ZNF600: variants seen among roughly 807,000 people sequenced by gnomAD.
ZNF600 encodes zinc finger protein 600.
Under a neutral mutation model 7.3 loss-of-function variants are expected in ZNF600, and 4 were observed. The observed-to-expected ratio is 0.55, with a 90% CI of 0.27 to 1.25. The LOEUF (loss-of-function observed/expected upper bound fraction) is 1.25. ZNF600 is among the 50% of genes most tolerant of loss of function. The pLI, the probability that ZNF600 is intolerant of heterozygous loss-of-function variation, is 0.12. For synonymous variants in ZNF600, 290 were observed against 308.9 expected (o/e 0.94, Z 0.64); for missense variants, 911 against 922.1 (o/e 0.99, Z 0.16).
At chr19:52,800,337 G>C in the ZNF600 span, 2 of 1,613,662 alleles carry the variant, frequency 1.2e-6, no homozygotes, top group South Asian at 2.2e-5. Context: ...ACTCCGGAAA[G>C]CCTTGTCACA....
intron 1 of ZNF600, among the ~76,000 whole-genome samples, chr19:52,784,497 C>G (rs2062748775): frequency 6.6e-6 from 1 of 152,134 alleles, no homozygotes; most frequent in Non-Finnish European, 1.5e-5. Context: ...TCCTACCCCA[C>G]CCTGGGAAAA....
At chr19:52,814,115 C>G in the ZNF600 span, among the ~76,000 whole-genome samples, 1 of 146,536 alleles carries the variant, frequency 6.8e-6, no homozygotes. Flanking sequence ...AAGACTTGCT[C>G]TGACACCTGG....
the ZNF600 span, chr19:52,801,513 G>T: frequency 6.2e-7 from 1 of 1,614,110 alleles, no homozygotes; most frequent in Non-Finnish European, 8.5e-7. Context: ...TGTCATGGGT[G>T]CTGCATGGTC....
At chr19:52,807,899 A>C in the ZNF600 span, 9 of 1,544,830 alleles carry the variant, frequency 5.8e-6, no homozygotes, top group Non-Finnish European at 7.0e-6. Flanking sequence ...TTTTCATTTC[A>C]AAATCAATAC....
rs2062564897 is a variant in ZNF600, at chr19:52,765,740, G to C, written c.2223C>G (p.Asp741Glu). The C allele has an allele frequency of 6.2e-7, 1 of 1,613,746 alleles. No homozygotes were observed. The change falls in exon 4 of 4, where the codon GAC becomes GAG. Residue 741 changes from aspartate to glutamate, a missense_variant. Physicochemically the swap from Asp to Glu is conservative, Grantham distance 45 (BLOSUM62 2). Coordinates refer to ENST00000648973, the Ensembl canonical transcript of ZNF600. ...GGTGTGAATCACTCCCAAAAGTCTT[G>C]TCACAAACCTTACATTTGTATGGTT...
At chr19:52,809,015 T>C in the ZNF600 span, among the ~76,000 whole-genome samples, 1 of 152,206 alleles carries the variant, frequency 6.6e-6, no homozygotes, top group African/African-American at 2.4e-5. Flanking sequence ...TTTGTATGTA[T>C]ATGTGTGTGC....
chr19:52,812,158 C>T, the ZNF600 span, among the ~76,000 whole-genome samples: 3 of 126,340 alleles, frequency 2.4e-5, no homozygotes, highest in East Asian at 2.3e-4. Flanking sequence ...GTCAGCCCCC[C>T]GCCCGGCCAG....
At position 52,778,692 on chromosome 19, in the gene ZNF600, A is replaced by G. The variant is rs60412795; in HGVS notation, c.63+134T>C. The G allele has an allele frequency of 0.018, 22,096 of 1,237,944 alleles. 1,526 individuals carry two copies. The African/African-American group carries it at 0.2, about 11-fold the overall frequency. 76.7% of individuals were successfully genotyped at this position (1,237,944 alleles called of 1,614,324 possible). ...AATCTCGGAGCAGCTGAGAGGAACT[A>G]AGGGCAGGCATGGCTGAGTGTGAGT... On this transcript the variant is annotated intron_variant, in intron 2 of 3. Transcript: ENST00000648973.
the ZNF600 span, among the ~76,000 whole-genome samples, chr19:52,794,070 G>A: frequency 2.0e-5 from 3 of 152,030 alleles, no homozygotes; most frequent in Admixed American, 1.3e-4. Flanking sequence ...TGTCCCAGCA[G>A]AGAGCTGAGG....
chr19:52,819,044 G>T, the ZNF600 span, among the ~76,000 whole-genome samples: 7 of 142,334 alleles, frequency 4.9e-5, 2 homozygotes, highest in African/African-American at 1.9e-4. Context: ...GAAAGGGACA[G>T]TGCCATCTTC....
chr19:52,786,205 C>G lies in ZNF600; in HGVS notation c.-20+390G>C, dbSNP rs555331079. On this transcript the variant is annotated intron_variant, in intron 1 of 3. Coordinates refer to ENST00000648973, the Ensembl canonical transcript of ZNF600. ...GTATCATAGGACAAGCCCCTGCGAC[C>G]CACCCCAACCCTGGCTCAGGGGAAG... 2.3e-3 allele frequency among the ~76,000 whole-genome samples: 164 copies of G among 71,020 alleles called. 1 individual carries two copies. Among genetic ancestry groups the G allele is most frequent in the African/African-American group, 8.2e-3 (160 of 19,500 alleles). The allele number at this position is 71,020 out of a possible 152,430, so 46.6% of individuals were successfully genotyped here.
chr19:52,768,445 A>C (rs542502788), intron 3 of ZNF600, among the ~76,000 whole-genome samples: 25 of 152,162 alleles, frequency 1.6e-4, no homozygotes, highest in African/African-American at 6.0e-4. Flanking sequence ...ACCTCAAAAA[A>C]AAAAAAAAAG....
At chr19:52,830,755 A>G in the ZNF600 span, among the ~76,000 whole-genome samples, 2 of 151,330 alleles carry the variant, frequency 1.3e-5, no homozygotes, top group African/African-American at 2.4e-5. Context: ...TACAAAGTCA[A>G]TAGGCTGGTA....
At position 52,766,234 on chromosome 19, in the gene ZNF600, G is replaced by A. The variant is rs752515170; in HGVS notation, c.1729C>T (p.Arg577Cys). ...TGGCTTGCAAGGTATGACCTCAGAC[G>A]GAAGGTCTTGCTGCACTCATTACAC... Residue 577 changes from arginine (R) to cysteine (C), a missense_variant, in exon 4 of 4, where the codon CGT (arginine) becomes TGT (cysteine). Coordinates refer to ENST00000648973, the Ensembl canonical transcript of ZNF600. The A allele has an allele frequency of 2.7e-5, 43 of 1,611,274 alleles. No individual in the cohort carries two copies. In the East Asian group the frequency reaches 5.8e-4, roughly 22 times the overall value.
intron 1 of ZNF600, among the ~76,000 whole-genome samples, chr19:52,785,895 C>T (rs557579101): frequency 1.2e-3 from 177 of 152,290 alleles, no homozygotes; most frequent in Admixed American, 2.0e-3. Flanking sequence ...CTACATTTCT[C>T]CAGTTGCTTT....
At chr19:52,800,207 A>T in the ZNF600 span, 5 of 1,613,486 alleles carry the variant, frequency 3.1e-6, no homozygotes, top group Admixed American at 6.7e-5. Flanking sequence ...GTTTCTCTGC[A>T]GTATGAAGTT....
the ZNF600 span, among the ~76,000 whole-genome samples, chr19:52,816,993 C>T: frequency 3.3e-5 from 5 of 152,040 alleles, no homozygotes; most frequent in Non-Finnish European, 5.9e-5. Context: ...TCCACAGTAA[C>T]ACCATAGTCT....
intron 3 of ZNF600, among the ~76,000 whole-genome samples, chr19:52,772,729 G>C (rs777709840): frequency 6.6e-6 from 1 of 152,182 alleles, no homozygotes; most frequent in Non-Finnish European, 1.5e-5. Context: ...GTAAGTGAGG[G>C]ACAAGACTTG....
At chr19:52,774,162 G>A (rs2062653092) in intron 3 of ZNF600, among the ~76,000 whole-genome samples, 1 of 152,080 alleles carries the variant, frequency 6.6e-6, no homozygotes, top group African/African-American at 2.4e-5. Context: ...AGGGGCTGTG[G>A]CTCATGCCTG....
Sources: allele counts gnomAD v4.1 joint callset (sites outside exome capture counted in the v4.1 genomes callset), GRCh38; gene constraint gnomAD v4.1.1; transcripts MANE v1.5; gene names NCBI Gene and HGNC (gene_info 2026-07-23, HGNC 2026-07-21).